ASAP1: variants seen among roughly 807,000 people sequenced by gnomAD.
The protein encoded by ASAP1 is ArfGAP with SH3 domain, ankyrin repeat and PH domain 1.
A neutral mutation model predicts 145.2 loss-of-function variants in ASAP1; 43 were observed. That is an observed-to-expected ratio of 0.30 (90% CI 0.23 to 0.38). ASAP1 has a LOEUF of 0.38. ASAP1 is among the 10% of genes least tolerant of loss of function. The probability of loss-of-function intolerance (pLI) is 1.00; values close to 1 mark genes in which losing one functional copy is unlikely to be tolerated. For missense variants in ASAP1, 1,018 were observed against 1,355.3 expected (o/e 0.75, Z 3.91); for synonymous variants, 546 against 515.5 (o/e 1.06, Z -0.80).
chr8:130,432,594 C>T (rs979634100), intron 1 of ASAP1, among the ~76,000 whole-genome samples: 1 of 152,034 alleles, frequency 6.6e-6, no homozygotes, highest in African/African-American at 2.4e-5. Flanking sequence ...CTTGGTGTCT[C>T]ATTCCTTCCA....
intron 22 of ASAP1, 99 bp downstream of exon 22, chr8:130,116,579 A>T: frequency 9.2e-7 from 1 of 1,091,978 alleles, no homozygotes; most frequent in South Asian, 1.4e-5. Flanking sequence ...TGTTAAAAAA[A>T]AATGAATCTG....
At chr8:130,314,100 C>G (rs1286990697) in intron 3 of ASAP1, among the ~76,000 whole-genome samples, 3 of 152,142 alleles carry the variant, frequency 2.0e-5, no homozygotes, top group Admixed American at 2.0e-4. Context: ...TCAATTTGGT[C>G]AGAAAAGGCC....
chr8:130,303,978 G>A (rs1357557835), intron 3 of ASAP1, among the ~76,000 whole-genome samples: 3 of 152,090 alleles, frequency 2.0e-5, no homozygotes, highest in Admixed American at 2.0e-4. Flanking sequence ...ATTAACTAAT[G>A]TAAGATGTTA....
At chr8:130,379,753 A>C (rs1827679909) in intron 2 of ASAP1, among the ~76,000 whole-genome samples, 1 of 152,120 alleles carries the variant, frequency 6.6e-6, no homozygotes. Flanking sequence ...TCCTGCTGAG[A>C]CACTCCCCGG....
chr8:130,159,418 C>T (rs1438842580), intron 12 of ASAP1, among the ~76,000 whole-genome samples: 1 of 151,648 alleles, frequency 6.6e-6, no homozygotes, highest in Non-Finnish European at 1.5e-5. Context: ...GTCAGAAGAT[C>T]GAGACCAACC....
rs10678909 is a variant in ASAP1 at position 130,276,728 on chromosome 8, A to ACTCTCTCTCT, written c.187-39744_187-39735dup. 3.1e-3 allele frequency among the ~76,000 whole-genome samples: 271 copies of ACTCTCTCTCT among 87,244 alleles called. 4 individuals are homozygous for ACTCTCTCTCT. The highest frequency in any genetic ancestry group is 7.4e-3 in the African/African-American group (168 of 22,694). 57.2% of individuals were successfully genotyped at this position (87,244 alleles called of 152,430 possible). ...CACACACACACACACACACACACAC[A>ACTCTCTCTCT]CTCTCTCTCTCTCTCTCTCTCTCTC... On this transcript the variant is annotated intron_variant, in intron 3 of 29. Transcript: ENST00000518721.
At chr8:130,135,710 T>G (rs1357656631) in intron 14 of ASAP1, among the ~76,000 whole-genome samples, 1 of 152,208 alleles carries the variant, frequency 6.6e-6, no homozygotes, top group African/African-American at 2.4e-5. Flanking sequence ...GCACCTGGCA[T>G]GTAACAGATG....
chr8:130,101,310 C>T (rs1040353045), intron 24 of ASAP1, among the ~76,000 whole-genome samples: 1 of 152,026 alleles, frequency 6.6e-6, no homozygotes, highest in Non-Finnish European at 1.5e-5. Context: ...TTTTCTGTTT[C>T]TATGAGGAAT....
chr8:130,330,493 T>C (rs1029500573), intron 3 of ASAP1, among the ~76,000 whole-genome samples: 27 of 152,232 alleles, frequency 1.8e-4, no homozygotes, highest in African/African-American at 6.3e-4. Context: ...GTGAACACCT[T>C]TGGGACAGAA....
At chr8:130,313,819 T>G (rs955735038) in intron 3 of ASAP1, among the ~76,000 whole-genome samples, 3 of 152,184 alleles carry the variant, frequency 2.0e-5, no homozygotes, top group Non-Finnish European at 2.9e-5. Context: ...CAGTCTTTAC[T>G]GGGGGAAAGG....
chr8:130,354,790 T>C (rs1025330720), intron 3 of ASAP1, among the ~76,000 whole-genome samples: 14 of 152,148 alleles, frequency 9.2e-5, no homozygotes, highest in Non-Finnish European at 1.9e-4. Flanking sequence ...TAGCCACTCA[T>C]TGTGTGCCAG....
chr8:130,149,687 A>AC (rs1361948772), intron 13 of ASAP1, among the ~76,000 whole-genome samples: 2 of 152,142 alleles, frequency 1.3e-5, no homozygotes, highest in Non-Finnish European at 2.9e-5. Context: ...TCTTCTCCCC[A>AC]CTTTTTCAAA....
At chr8:130,403,365 G>A (rs965069683) in intron 1 of ASAP1, among the ~76,000 whole-genome samples, 1 of 151,046 alleles carries the variant, frequency 6.6e-6, no homozygotes, top group East Asian at 1.9e-4. Flanking sequence ...ATACAATTTT[G>A]AAAACACAAA....
intron 2 of ASAP1, among the ~76,000 whole-genome samples, chr8:130,374,856 G>C (rs1014611117): frequency 2.0e-5 from 3 of 152,194 alleles, no homozygotes; most frequent in Admixed American, 6.5e-5. Context: ...TATCCCTTAA[G>C]GATAGTGGTG....
At position 130,060,676 on chromosome 8, in the gene ASAP1, G is replaced by C. The variant is rs766982573; in HGVS notation, c.3095C>G (p.Ser1032Cys). 16 of 1,614,156 alleles carry C rather than the reference G, an allele frequency of 9.9e-6. No individual in the cohort carries two copies. Among genetic ancestry groups the C allele is most frequent in the Non-Finnish European group, 1.4e-5 (16 of 1,180,036 alleles). Residue 1032 changes from serine (S) to cysteine (C), a missense_variant, in exon 28 of 30, where the codon TCC becomes TGC. Around this residue, in one of 9 missense-constraint regions of ASAP1, gnomAD observed 139 missense variants for 131.0 expected, o/e 1.06. Transcript: ENST00000518721. ...TGCTTGCTTTTGGATGGCGTCTCTGGACTGCACATTTGGGGATAGATCCAA... is the reference window on the plus strand; with the variant it reads ...TGCTTGCTTTTGGATGGCGTCTCTGCACTGCACATTTGGGGATAGATCCAA... The part of the protein sequence containing the change: ...HPLDLSPNVQ[S>C]RDAIQKQASE...
intron 27 of ASAP1, among the ~76,000 whole-genome samples, chr8:130,067,739 G>A (rs771162665): frequency 6.6e-6 from 1 of 152,120 alleles, no homozygotes; most frequent in East Asian, 1.9e-4. Context: ...GTGTTTTCCT[G>A]TATTCTGCTT....
At chr8:130,088,387 C>T (rs988036698) in intron 25 of ASAP1, among the ~76,000 whole-genome samples, 2 of 152,100 alleles carry the variant, frequency 1.3e-5, no homozygotes, top group African/African-American at 4.8e-5. Context: ...GCCTTGGCCT[C>T]CCGAGACAAG....
chr8:130,328,056 C>T (rs1020596617), intron 3 of ASAP1, among the ~76,000 whole-genome samples: 19 of 152,166 alleles, frequency 1.2e-4, no homozygotes, highest in Non-Finnish European at 2.8e-4. Flanking sequence ...TTATTATCTT[C>T]TACTTCTAGC....
At chr8:130,283,502 C>G (rs1006701059) in intron 3 of ASAP1, among the ~76,000 whole-genome samples, 14 of 146,644 alleles carry the variant, frequency 9.5e-5, no homozygotes, top group South Asian at 8.6e-4. Context: ...ATCACTTGAA[C>G]CCAGGAGGCA....
Sources: allele counts gnomAD v4.1 joint callset (sites outside exome capture counted in the v4.1 genomes callset), GRCh38; gene constraint gnomAD v4.1.1; regional missense constraint gnomAD v4.1.1; transcripts MANE v1.5; gene names NCBI Gene and HGNC (gene_info 2026-07-23, HGNC 2026-07-21).